ZMYM4: variants seen among roughly 807,000 people sequenced by gnomAD.
The protein encoded by ZMYM4 is zinc finger MYM-type protein 4.
In ZMYM4, 31 loss-of-function variants were observed where a neutral mutation model predicts 183.2. That is an observed-to-expected ratio of 0.17 (90% CI 0.13 to 0.23). ZMYM4 has a LOEUF of 0.23. Ranked by LOEUF, ZMYM4 falls within the 10% of genes least tolerant of loss-of-function variation. ZMYM4 has a pLI of 1.00. For missense variants in ZMYM4, 1,273 were observed against 1,840.3 expected, an observed-to-expected ratio of 0.69 and a Z score of 5.64; for synonymous variants, 592 against 631.2, an observed-to-expected ratio of 0.94 and a Z score of 0.93.
intron 1 of ZMYM4, among the ~76,000 whole-genome samples, chr1:35,278,450 G>A (rs1338017697): frequency 2.1e-5 from 3 of 143,680 alleles, no homozygotes; most frequent in Admixed American, 1.4e-4. Context: ...TTTTTAGATG[G>A]AATTTCACTC....
intron 29 of ZMYM4, 133 bp from the exon 30 acceptor site, chr1:35,419,337 T>C (rs760407007): frequency 2.3e-4 from 197 of 871,982 alleles, no homozygotes; most frequent in Non-Finnish European, 3.2e-4. Context: ...GCAAAAATAA[T>C]TGCAGTTTTT....
At chr1:35,374,077 G>A (rs1472692976) in intron 7 of ZMYM4, among the ~76,000 whole-genome samples, 1 of 133,934 alleles carries the variant, frequency 7.5e-6, no homozygotes, top group Admixed American at 8.3e-5. Flanking sequence ...TGTTGCCCAG[G>A]CTGGAGTGCA....
chr1:35,398,909 C>T lies in ZMYM4; in HGVS notation c.3299C>T (p.Ser1100Phe). The T allele has an allele frequency of 1.2e-6, 2 of 1,614,100 alleles. No individual in the cohort carries two copies. Among genetic ancestry groups the T allele is most frequent in the Non-Finnish European group, 1.7e-6 (2 of 1,179,984 alleles). ...YSGDLESEAV[S>F]TPHSWEEELN... ...GGTGATCTTGAATCAGAGGCAGTAT[C>T]TACTCCACATAGCTGGGAGGAAGAG... The change falls in exon 22 of 30, where the codon TCT becomes TTT. Residue 1100 changes from serine to phenylalanine, a missense_variant. Around this residue, in one of 6 missense-constraint regions of ZMYM4, gnomAD observed 290 missense variants for 353.3 expected, o/e 0.82. Coordinates refer to ENST00000314607, the MANE Select transcript of ZMYM4 (RefSeq NM_005095.3).
At chr1:35,291,162 T>C (rs956244931) in intron 1 of ZMYM4, among the ~76,000 whole-genome samples, 4 of 152,230 alleles carry the variant, frequency 2.6e-5, no homozygotes, top group African/African-American at 7.2e-5. Context: ...GTAGGATTAC[T>C]GGATCATATA....
intron 2 of ZMYM4, among the ~76,000 whole-genome samples, chr1:35,353,493 T>G (rs1643704589): frequency 6.6e-6 from 1 of 152,186 alleles, no homozygotes; most frequent in Non-Finnish European, 1.5e-5. Flanking sequence ...CTTTTCTCAT[T>G]TTTTAATCAC....
chr1:35,367,985 T>G (rs949240428), intron 5 of ZMYM4, among the ~76,000 whole-genome samples: 2 of 151,812 alleles, frequency 1.3e-5, no homozygotes, highest in African/African-American at 4.8e-5. Context: ...AAATGTTCAT[T>G]ATACATCAAA....
At chr1:35,395,078 C>T (rs1012283544) in intron 18 of ZMYM4, among the ~76,000 whole-genome samples, 2 of 152,146 alleles carry the variant, frequency 1.3e-5, no homozygotes, top group African/African-American at 4.8e-5. Flanking sequence ...AGGAATTTTA[C>T]TAAGTAGATT....
At chr1:35,274,865 T>A (rs1002237709) in intron 1 of ZMYM4, among the ~76,000 whole-genome samples, 1 of 152,208 alleles carries the variant, frequency 6.6e-6, no homozygotes, top group Non-Finnish European at 1.5e-5. Flanking sequence ...GCTGGAGATA[T>A]GATGGCTAAA....
Position 35,405,398 on chromosome 1 carries a change from A to G in ZMYM4, c.3726A>G (p.Pro1242=). 1.2e-6 allele frequency: 2 copies of G among 1,613,480 alleles called. No homozygotes were observed. Among genetic ancestry groups the G allele is most frequent in the Non-Finnish European group, 1.7e-6 (2 of 1,179,846 alleles). ...GGGTTGAACAGGCCTCATCTAGCCCACGTTCTGACCCCTTAGGAAGTACTC... is the reference window on the plus strand; with the variant it reads ...GGGTTGAACAGGCCTCATCTAGCCCGCGTTCTGACCCCTTAGGAAGTACTC... The part of the protein sequence containing the change: ...CGGVEQASSS[P]RSDPLGSTQD... The change falls in exon 25 of 30, where the codon CCA becomes CCG. Residue 1242 remains proline (P), a synonymous_variant. Coordinates refer to ENST00000314607, the MANE Select transcript of ZMYM4 (RefSeq NM_005095.3).
chr1:35,363,588 G>A (rs1643996909), intron 5 of ZMYM4, among the ~76,000 whole-genome samples: 1 of 152,154 alleles, frequency 6.6e-6, no homozygotes, highest in Admixed American at 6.5e-5. Context: ...ATTCCATGAC[G>A]TTCAGTGGAA....
At position 35,386,966 on chromosome 1, in the gene ZMYM4, G is replaced by C. The variant is rs542389847; in HGVS notation, c.1837-37G>C. ...CACAATACTTCTTTGTTTTAACAAA[G>C]ATTAAATTGATACTTTTTGTTGTTT... On this transcript the variant is annotated intron_variant, in intron 11 of 29. Transcript: ENST00000314607. 3.8e-6 allele frequency: 6 copies of C among 1,590,694 alleles called. No homozygotes were observed. The South Asian group carries it at 5.6e-5, about 15-fold the overall frequency.
At chr1:35,351,536 C>T in intron 2 of ZMYM4, 1 of 1,218,396 alleles carries the variant, frequency 8.2e-7, no homozygotes, top group Non-Finnish European at 1.2e-6. Context: ...ATCCCTTGCT[C>T]AGAAGAAAGA....
At chr1:35,336,009 A>C (rs1156928034) in intron 2 of ZMYM4, among the ~76,000 whole-genome samples, 1 of 152,208 alleles carries the variant, frequency 6.6e-6, no homozygotes, top group Non-Finnish European at 1.5e-5. Context: ...TGTTAAGTAT[A>C]TTCACATTGT....
At chr1:35,412,035 C>T (rs565311916) in intron 26 of ZMYM4, among the ~76,000 whole-genome samples, 54 of 152,152 alleles carry the variant, frequency 3.5e-4, no homozygotes, top group Admixed American at 1.0e-3. Context: ...AGGCGCCCGC[C>T]ACCGCGCCCA....
At chr1:35,388,402 A>C (rs1256308472) in intron 13 of ZMYM4, among the ~76,000 whole-genome samples, 1 of 152,096 alleles carries the variant, frequency 6.6e-6, no homozygotes, top group East Asian at 1.9e-4. Context: ...ACAGGGCTTC[A>C]CCATGTTGGC....
At chr1:35,331,799 TAAATAAATAAA>T (rs1642761041) in intron 2 of ZMYM4, among the ~76,000 whole-genome samples, 6 of 129,072 alleles carry the variant, frequency 4.6e-5, no homozygotes, top group Admixed American at 4.6e-4. Flanking sequence ...CAAAAATACA[TAAATAAATAAA>T]TAAATAAATA....
At position 35,392,627 on chromosome 1, in the gene ZMYM4, A is replaced by G. The variant is rs746918385; in HGVS notation, c.2729-20A>G. 6.3e-7 allele frequency: 1 copy of G among 1,584,770 alleles called. No homozygotes were observed. The highest frequency in any genetic ancestry group is 8.6e-7 in the Non-Finnish European group (1 of 1,167,278). On this transcript the variant is annotated intron_variant, in intron 16 of 29. Transcript: ENST00000314607. ...AAATAATTGTAAAGATCCTAAATTT[A>G]TGTTTTAATTTATATCAAGGTGCAG...
chr1:35,306,419 A>G (rs1454326336), intron 1 of ZMYM4, among the ~76,000 whole-genome samples: 3 of 152,060 alleles, frequency 2.0e-5, no homozygotes, highest in Admixed American at 1.3e-4. Flanking sequence ...GTCATGATCC[A>G]TTGTTACCAG....
chr1:35,347,789 T>C (rs924867806), intron 2 of ZMYM4, among the ~76,000 whole-genome samples: 3 of 152,214 alleles, frequency 2.0e-5, no homozygotes, highest in Non-Finnish European at 4.4e-5. Context: ...CTCTGTGGTA[T>C]TGTGCTTCTG....
Sources: allele counts gnomAD v4.1 joint callset (sites outside exome capture counted in the v4.1 genomes callset), GRCh38; gene constraint gnomAD v4.1.1; regional missense constraint gnomAD v4.1.1; transcripts MANE v1.5; gene names NCBI Gene and HGNC (gene_info 2026-07-23, HGNC 2026-07-21).